The following FAF1 variants were observed in gnomAD, a reference collection of about 807,000 sequenced individuals.
FAF1 encodes the protein Fas associated factor 1.
FAF1 carries 25 observed loss-of-function variants against 92.5 expected under a neutral mutation model. The ratio of observed to expected loss-of-function variants is 0.27; its 90% CI spans 0.20 to 0.38. The LOEUF (loss-of-function observed/expected upper bound fraction) is 0.38, where lower values mean the gene tolerates loss of function less well. Among genes scored for constraint, FAF1 ranks in the 10% least tolerant of loss-of-function variants. FAF1 has a pLI of 1.00. For missense variants in FAF1, 636 were observed against 793.3 expected, an observed-to-expected ratio of 0.80 and a Z score of 2.38; for synonymous variants, 234 against 273.2, an observed-to-expected ratio of 0.86 and a Z score of 1.42.
chr1:50,621,080 C>T (rs1348684066), intron 8 of FAF1, among the ~76,000 whole-genome samples: 1 of 152,252 alleles, frequency 6.6e-6, no homozygotes, highest in Non-Finnish European at 1.5e-5. Context: ...GTGGGGGCTC[C>T]TCCCCTGCTC....
At chr1:50,898,061 G>GT (rs1644770197) in intron 1 of FAF1, among the ~76,000 whole-genome samples, 1 of 152,178 alleles carries the variant, frequency 6.6e-6, no homozygotes, top group Non-Finnish European at 1.5e-5. Flanking sequence ...AATAATTGTT[G>GT]TTTTCAGCCA....
At chr1:50,590,233 T>A (rs997165811) in intron 9 of FAF1, among the ~76,000 whole-genome samples, 5 of 152,264 alleles carry the variant, frequency 3.3e-5, no homozygotes, top group Non-Finnish European at 7.3e-5. Context: ...TACGGATTTC[T>A]GTAGACTGCT....
At chr1:50,768,698 AAAAT>A (rs1660669233) in intron 4 of FAF1, among the ~76,000 whole-genome samples, 1 of 152,150 alleles carries the variant, frequency 6.6e-6, no homozygotes, top group Admixed American at 6.6e-5. Context: ...GGTAAATAAT[AAAAT>A]AAAGGCAGAA....
At chr1:50,824,436 A>G (rs1438857314) in intron 2 of FAF1, among the ~76,000 whole-genome samples, 1 of 152,094 alleles carries the variant, frequency 6.6e-6, no homozygotes, top group South Asian at 2.1e-4. Context: ...TCTCGCCTAT[A>G]TTTCTTCTTT....
At chr1:50,888,443 T>C (rs1328577872) in intron 1 of FAF1, among the ~76,000 whole-genome samples, 2 of 152,200 alleles carry the variant, frequency 1.3e-5, no homozygotes. Flanking sequence ...AGGGCATCCC[T>C]GTCTAGTGCC....
chr1:50,599,343 C>T (rs1402946711), intron 8 of FAF1, among the ~76,000 whole-genome samples: 3 of 152,064 alleles, frequency 2.0e-5, no homozygotes, highest in Non-Finnish European at 4.4e-5. Context: ...AACTCCTGAC[C>T]TCAGGTGATC....
chr1:50,592,235 T>C (rs1294874907), intron 9 of FAF1, among the ~76,000 whole-genome samples: 1 of 149,798 alleles, frequency 6.7e-6, no homozygotes, highest in African/African-American at 2.4e-5. Context: ...TCTTTAACCA[T>C]AGTTATAAAC....
At chr1:50,884,513 C>T (rs932483198) in intron 1 of FAF1, among the ~76,000 whole-genome samples, 1 of 146,546 alleles carries the variant, frequency 6.8e-6, no homozygotes, top group African/African-American at 2.5e-5. Context: ...CAGAGTGAGA[C>T]TCTGTCTCAA....
At chr1:50,930,437 T>C (rs115485644) in intron 1 of FAF1, among the ~76,000 whole-genome samples, 15 of 152,308 alleles carry the variant, frequency 9.8e-5, no homozygotes, top group African/African-American at 3.6e-4. Flanking sequence ...AGTTTTACCA[T>C]TTAACTAGCC....
Position 50,566,839 on chromosome 1 carries a change from G to A in FAF1, c.1268+238C>T, listed in dbSNP as rs79921875. Among the ~76,000 whole-genome samples the A allele has an allele frequency of 2.4e-3, 364 of 152,108 alleles. 11 individuals are homozygous for A. In the East Asian group the frequency reaches 0.062, roughly 26 times the overall value. On this transcript the variant is annotated intron_variant, in intron 13 of 18. Transcript: ENST00000396153. ...GTCTGTTGCACTGCAAATATAAGAT[G>A]AGAAATGTATTTTTGTTTTCAGGTT...
chr1:50,801,527 C>A (rs960908121), intron 3 of FAF1, 104 bp downstream of exon 3: 1 of 663,666 alleles, frequency 1.5e-6, no homozygotes, highest in Non-Finnish European at 2.7e-6. Flanking sequence ...AACTTATATA[C>A]CCCAAATCAA....
rs914157242 is a variant in FAF1 at position 50,863,062 on chromosome 1, A to G, written c.46-5065T>C. ...TCTACCCAACAACTGCAGAATATAC[A>G]TTCTATTCATCAGTACATGGAACAT... On this transcript the variant is annotated intron_variant, in intron 1 of 18. Transcript: ENST00000396153. 3.1e-4 allele frequency among the ~76,000 whole-genome samples: 47 copies of G among 152,130 alleles called. 1 individual carries two copies. Among genetic ancestry groups the G allele is most frequent in the African/African-American group, 1.1e-3 (47 of 41,542 alleles).
chr1:50,788,259 C>A (rs1661436034), intron 3 of FAF1, 54 bp from the exon 4 acceptor site: 1 of 1,442,552 alleles, frequency 6.9e-7, no homozygotes, highest in African/African-American at 1.4e-5. Context: ...TTACAGAATA[C>A]TACTAGGGAC....
chr1:50,590,387 T>C (rs1176488373), intron 9 of FAF1, among the ~76,000 whole-genome samples: 2 of 152,246 alleles, frequency 1.3e-5, no homozygotes, highest in African/African-American at 4.8e-5. Context: ...TTCCTAAGTA[T>C]TATTCTGTTT....
intron 1 of FAF1, among the ~76,000 whole-genome samples, chr1:50,931,580 G>C (rs1474504234): frequency 6.6e-6 from 1 of 152,072 alleles, no homozygotes; most frequent in East Asian, 1.9e-4. Flanking sequence ...CACAAGAATA[G>C]CACGTGGGTG....
intron 1 of FAF1, among the ~76,000 whole-genome samples, chr1:50,948,593 C>T (rs558953313): frequency 1.3e-3 from 195 of 148,872 alleles, no homozygotes; most frequent in Admixed American, 3.4e-3. Flanking sequence ...AGTGCAGTGA[C>T]GCGATTTCAG....
chr1:50,607,457 C>A (rs1245849774), intron 8 of FAF1, among the ~76,000 whole-genome samples: 1 of 152,130 alleles, frequency 6.6e-6, no homozygotes, highest in African/African-American at 2.4e-5. Context: ...TAACCCTGCC[C>A]ACCTTTCCAG....
At chr1:50,809,015 C>A (rs889879074) in intron 2 of FAF1, among the ~76,000 whole-genome samples, 5 of 152,076 alleles carry the variant, frequency 3.3e-5, no homozygotes, top group African/African-American at 9.7e-5. Context: ...AATGAAGAGA[C>A]TTAGTAACCA....
chr1:50,500,139 A>T (rs1035505275), intron 15 of FAF1, among the ~76,000 whole-genome samples: 1 of 152,126 alleles, frequency 6.6e-6, no homozygotes, highest in Non-Finnish European at 1.5e-5. Context: ...ACCACCAAAA[A>T]TTTTTTTGGT....
Sources: gnomAD v4.1 joint callset for allele counts (sites outside exome capture counted in the v4.1 genomes callset) on GRCh38, gnomAD v4.1.1 for gene constraint, MANE v1.5 for transcripts, NCBI Gene and HGNC (gene_info 2026-07-23, HGNC 2026-07-21) for gene names.